ERC2: variants seen among roughly 807,000 people sequenced by gnomAD.
ERC2 encodes the protein ELKS/RAB6-interacting/CAST family member 2, also known as ERC protein 2.
ERC2 carries 42 observed loss-of-function variants against 114.8 expected under a neutral mutation model. The observed-to-expected ratio is 0.37, with a 90% CI of 0.29 to 0.47. The LOEUF (loss-of-function observed/expected upper bound fraction) is 0.47, where lower values mean the gene tolerates loss of function less well. Among genes scored for constraint, ERC2 ranks in the 20% least tolerant of loss-of-function variants. ERC2 has a pLI of 0.99. For missense variants in ERC2, 939 were observed against 1,150.7 expected (o/e 0.82, Z 2.66); for synonymous variants, 454 against 425.5 (o/e 1.07, Z -0.82).
intron 12 of ERC2, among the ~76,000 whole-genome samples, chr3:55,958,338 T>C (rs977893812): frequency 2.0e-5 from 3 of 152,182 alleles, no homozygotes; most frequent in African/African-American, 7.2e-5. Context: ...AGGGTTTTCA[T>C]GGGCTCAGAA....
At chr3:55,536,779 C>G (rs1317297367) in intron 17 of ERC2, among the ~76,000 whole-genome samples, 1 of 152,186 alleles carries the variant, frequency 6.6e-6, no homozygotes, top group Non-Finnish European at 1.5e-5. Flanking sequence ...AGAAGTGGGG[C>G]AAACCCTAGA....
intron 17 of ERC2, among the ~76,000 whole-genome samples, chr3:55,540,644 C>T (rs1053849806): frequency 6.6e-6 from 1 of 152,162 alleles, no homozygotes; most frequent in Non-Finnish European, 1.5e-5. Context: ...ATTTTGGAGG[C>T]CCCTCCCAGC....
intron 12 of ERC2, among the ~76,000 whole-genome samples, chr3:55,975,680 T>G (rs1488742787): frequency 6.6e-6 from 1 of 152,254 alleles, no homozygotes. Flanking sequence ...CTCCTCGTTA[T>G]GTTCATCCCA....
chr3:56,318,261 A>G lies in ERC2; in HGVS notation c.658-21826T>C, dbSNP rs2056962209. On this transcript the variant is annotated intron_variant, in intron 2 of 17. Coordinates refer to ENST00000288221, the MANE Select transcript of ERC2 (RefSeq NM_015576.3). ...AAGTGCAGTGGCATGATCATGGCTC[A>G]CTACAGCCTCAACCTCCTGGGCTCA... 2.0e-5 allele frequency among the ~76,000 whole-genome samples: 3 copies of G among 152,196 alleles called. No individual in the cohort carries two copies. The South Asian group carries it at 6.2e-4, about 31-fold the overall frequency.
chr3:55,770,494 T>A (rs2068111693), intron 14 of ERC2, among the ~76,000 whole-genome samples: 1 of 152,146 alleles, frequency 6.6e-6, no homozygotes, highest in Admixed American at 6.5e-5. Context: ...GAGGAGTGAG[T>A]GCCCCCTTCC....
chr3:56,405,971 C>T (rs1200902425), intron 2 of ERC2, among the ~76,000 whole-genome samples: 1 of 143,930 alleles, frequency 6.9e-6, no homozygotes, highest in Non-Finnish European at 1.5e-5. Flanking sequence ...CGGCTCACTG[C>T]AACCTCCACC....
At chr3:55,832,628 C>T (rs2060657105) in intron 14 of ERC2, among the ~76,000 whole-genome samples, 1 of 152,102 alleles carries the variant, frequency 6.6e-6, no homozygotes, top group Non-Finnish European at 1.5e-5. Flanking sequence ...CATCAAAGAC[C>T]AAAAATAGAT....
intron 13 of ERC2, among the ~76,000 whole-genome samples, chr3:55,897,689 G>A (rs1228982685): frequency 6.6e-6 from 1 of 152,220 alleles, no homozygotes; most frequent in Non-Finnish European, 1.5e-5. Flanking sequence ...TCCTCCGACA[G>A]TGATGCTGGA....
chr3:55,993,345 A>G (rs1357674394), intron 10 of ERC2, among the ~76,000 whole-genome samples: 1 of 152,182 alleles, frequency 6.6e-6, no homozygotes, highest in Non-Finnish European at 1.5e-5. Context: ...CATGGAGCAG[A>G]TATTTATTGT....
At chr3:55,595,375 A>G (rs2058081669) in intron 17 of ERC2, among the ~76,000 whole-genome samples, 1 of 152,204 alleles carries the variant, frequency 6.6e-6, no homozygotes, top group Non-Finnish European at 1.5e-5. Context: ...GGACTATTTT[A>G]GGTTGAAATT....
At chr3:56,127,723 A>C (rs1476699461) in intron 6 of ERC2, among the ~76,000 whole-genome samples, 4 of 150,690 alleles carry the variant, frequency 2.7e-5, no homozygotes, top group Non-Finnish European at 5.9e-5. Context: ...ACTCTGTCTC[A>C]AAAGAAAAAA....
At chr3:55,990,866 G>A (rs2071009564) in intron 11 of ERC2, among the ~76,000 whole-genome samples, 1 of 152,230 alleles carries the variant, frequency 6.6e-6, no homozygotes, top group African/African-American at 2.4e-5. Context: ...GCTAAGGACA[G>A]ATGATTGCTT....
chr3:55,745,345 A>G (rs1028465602), intron 14 of ERC2, among the ~76,000 whole-genome samples: 1 of 152,262 alleles, frequency 6.6e-6, no homozygotes, highest in Admixed American at 6.5e-5. Context: ...GTGTTCTGAA[A>G]GGCGACTTTT....
intron 10 of ERC2, among the ~76,000 whole-genome samples, chr3:55,997,880 G>GTTTTT (rs869077498): frequency 2.2e-5 from 1 of 44,788 alleles, no homozygotes; most frequent in African/African-American, 8.8e-5. Context: ...TCTTAATTCT[G>GTTTTT]TTTTTTTTTT....
At chr3:55,558,507 T>C (rs1021412876) in intron 17 of ERC2, among the ~76,000 whole-genome samples, 1 of 152,232 alleles carries the variant, frequency 6.6e-6, no homozygotes, top group Non-Finnish European at 1.5e-5. Flanking sequence ...AATTCCTCTT[T>C]AGCAATTCAT....
rs566399612 is a variant in ERC2 at position 56,415,820 on chromosome 3, G to A, written c.657+18531C>T. Among the ~76,000 whole-genome samples, 95 of 152,292 alleles carry A rather than the reference G, an allele frequency of 6.2e-4. 2 individuals carry two copies. The South Asian group carries it at 0.019, about 31-fold the overall frequency. ...GCAAGCAAATCACCCCATCAGCAGCGCTTGAATAGAACCACCAGCACAACA... is the reference window on the plus strand; with the variant it reads ...GCAAGCAAATCACCCCATCAGCAGCACTTGAATAGAACCACCAGCACAACA... On this transcript the variant is annotated intron_variant, in intron 2 of 17. Transcript: ENST00000288221.
intron 2 of ERC2, among the ~76,000 whole-genome samples, chr3:56,301,784 A>C (rs1291724015): frequency 6.6e-6 from 1 of 151,406 alleles, no homozygotes; most frequent in South Asian, 2.1e-4. Context: ...AAATATAATA[A>C]GAGAAATAAT....
intron 2 of ERC2, among the ~76,000 whole-genome samples, chr3:56,356,631 T>C (rs1254688441): frequency 2.0e-5 from 3 of 152,208 alleles, no homozygotes; most frequent in East Asian, 3.8e-4. Context: ...TTTCCTTCCT[T>C]TCCTGGTGCC....
intron 3 of ERC2, among the ~76,000 whole-genome samples, chr3:56,194,257 A>G (rs923326573): frequency 2.0e-5 from 3 of 152,188 alleles, no homozygotes; most frequent in Non-Finnish European, 4.4e-5. Context: ...ACAAAAGAAG[A>G]TCTATCCATC....
Sources: gnomAD v4.1 joint callset for allele counts (sites outside exome capture counted in the v4.1 genomes callset) on GRCh38, gnomAD v4.1.1 for gene constraint, MANE v1.5 for transcripts, NCBI Gene and HGNC (gene_info 2026-07-23, HGNC 2026-07-21) for gene names.